Variants in RAD51D observed in about 807,000 individuals in gnomAD.
RAD51D encodes the protein RAD51 paralog D.
In RAD51D, 38 loss-of-function variants were observed where a neutral mutation model predicts 44.1. That is an observed-to-expected ratio of 0.86 (90% CI 0.67 to 1.13). The LOEUF (loss-of-function observed/expected upper bound fraction) is 1.13. Ranked by LOEUF, RAD51D falls within the 50% of genes most tolerant of loss-of-function variation. The pLI is 0.00. For missense variants in RAD51D, 390 were observed against 414.0 expected (o/e 0.94, Z 0.50); for synonymous variants, 141 against 166.6 (o/e 0.85, Z 1.18).
chr17:35,099,928 G>A lies in RAD51D; in HGVS notation c.*1025C>T, dbSNP rs1376101908. ...TTTCATACACTAGGGCACTAGCTGT[G>A]GTACAGCTGGCAGGAAGAGAGGTGT... On this transcript the variant is annotated 3_prime_UTR_variant, in exon 10 of 10. Coordinates refer to ENST00000345365, the MANE Select transcript of RAD51D (RefSeq NM_002878.4). 1.9e-6 allele frequency: 1 copy of A among 523,614 alleles called. No individual in the cohort carries two copies. The highest frequency in any genetic ancestry group is 2.2e-5 in the Admixed American group (1 of 44,622). 32.4% of individuals were successfully genotyped at this position (523,614 alleles called of 1,614,324 possible).
intron 3 of RAD51D, among the ~76,000 whole-genome samples, chr17:35,111,860 G>A (rs2091681104): frequency 6.6e-6 from 1 of 152,040 alleles, no homozygotes; most frequent in Admixed American, 6.6e-5. Flanking sequence ...TTAAATTACA[G>A]ATCAACTTGG....
intron 3 of RAD51D, among the ~76,000 whole-genome samples, chr17:35,115,781 A>C (rs1448876409): frequency 6.6e-6 from 1 of 151,798 alleles, no homozygotes; most frequent in African/African-American, 2.4e-5. Flanking sequence ...GAGTCAGGAG[A>C]ATCACTTGAA....
intron 6 of RAD51D, 148 bp downstream of exon 6, chr17:35,106,238 G>A (rs774307727): frequency 1.1e-4 from 87 of 771,122 alleles, no homozygotes; most frequent in Non-Finnish European, 1.8e-4. Context: ...TTAGGTGCTC[G>A]GGAATTCCAT....
intron 2 of RAD51D, among the ~76,000 whole-genome samples, 180 bp downstream of exon 2, chr17:35,118,931 C>G (rs1173738311): frequency 1.3e-5 from 2 of 152,196 alleles, no homozygotes; most frequent in South Asian, 2.1e-4. Context: ...TTAGTAGGGA[C>G]AGGGTTTCAC....
rs912848193 is a variant in RAD51D at position 35,119,471 on chromosome 17, C to T, written c.82+61G>A. 15 of 1,573,282 alleles carry T rather than the reference C, an allele frequency of 9.5e-6. No homozygotes were observed. In the Admixed American group the frequency reaches 1.0e-4, roughly 11 times the overall value. On this transcript the variant is annotated intron_variant, in intron 1 of 9. Transcript: ENST00000345365. ...TATGCCAGGGCAGTGCGCCAGCCCT[C>T]GGGGCCTGCCCAGGTTGTGCGAGGC...
At chr17:35,119,025 C>G in intron 2 of RAD51D, 86 bp downstream of exon 2, 2 of 1,314,260 alleles carry the variant, frequency 1.5e-6, no homozygotes, top group Admixed American at 1.7e-5. Context: ...GCTGGGATTA[C>G]AGGCATGAGC....
chr17:35,119,400 T>C, intron 1 of RAD51D, 132 bp downstream of exon 1: 1 of 1,141,304 alleles, frequency 8.8e-7, no homozygotes, highest in Non-Finnish European at 1.3e-6. Context: ...CCTGAGCCTC[T>C]CCAGAAGCGC....
rs1271870481 is a variant in RAD51D at position 35,097,293 on chromosome 17, T to C, written c.*3660A>G. 6.6e-6 allele frequency: 1 copy of C among 152,072 alleles called. No individual in the cohort carries two copies. Among genetic ancestry groups the C allele is most frequent in the Admixed American group, 6.6e-5 (1 of 15,260 alleles). 9.4% of individuals were successfully genotyped at this position (152,072 alleles called of 1,614,324 possible). A position where few individuals can be genotyped will look rare whatever the true frequency, so the allele number is the denominator to read the frequency against. ...AGCCATCACACCCAGCTAATTTTTG[T>C]ATTTTTAGTAGAGACAGGGTTTCAC... On this transcript the variant is annotated 3_prime_UTR_variant, in exon 10 of 10. Transcript: ENST00000345365.
chr17:35,107,347 C>G lies in RAD51D; in HGVS notation c.345+19G>C, dbSNP rs1483562351. 6.5e-7 allele frequency: 1 copy of G among 1,533,750 alleles called. No individual in the cohort carries two copies. The highest frequency in any genetic ancestry group is 2.2e-5 in the East Asian group (1 of 44,462). On this transcript the variant is annotated intron_variant, in intron 4 of 9. Coordinates refer to ENST00000345365, the MANE Select transcript of RAD51D (RefSeq NM_002878.4). ...CACCCTCACCCCTAAATCCTCCTGACTGCTGGCCTCACATGTACCTGAGTT... is the reference window on the plus strand; with the variant it reads ...CACCCTCACCCCTAAATCCTCCTGAGTGCTGGCCTCACATGTACCTGAGTT...
At chr17:35,117,466 A>T (rs1457133897) in intron 3 of RAD51D, among the ~76,000 whole-genome samples, 1 of 152,126 alleles carries the variant, frequency 6.6e-6, no homozygotes, top group Admixed American at 6.5e-5. Flanking sequence ...ACTCTTCCCC[A>T]ACCCACCAAA....
chr17:35,108,362 A>T (rs916862556), intron 3 of RAD51D, among the ~76,000 whole-genome samples: 1 of 151,770 alleles, frequency 6.6e-6, no homozygotes, highest in Non-Finnish European at 1.5e-5. Flanking sequence ...CTTAATAATA[A>T]CAACTGTACT....
rs548630352 is a variant in RAD51D, at chr17:35,094,628, G to C, written c.*6325C>G. 5.9e-5 allele frequency: 9 copies of C among 152,368 alleles called. No homozygotes were observed. Among genetic ancestry groups the C allele is most frequent in the Admixed American group, 5.2e-4 (8 of 15,308 alleles). 9.4% of individuals were successfully genotyped at this position (152,368 alleles called of 1,614,324 possible). The stretch of plus-strand genomic sequence containing the variant: ...TGCTATCAGGGCAAAGTATGAAAAA[G>C]AATTTTGTGGAAACATTTACATATT... On this transcript the variant is annotated 3_prime_UTR_variant, in exon 10 of 10. Transcript: ENST00000345365.
Position 35,099,437 on chromosome 17 carries a change from T to C in RAD51D, c.*1516A>G, listed in dbSNP as rs929303997. The C allele has an allele frequency of 4.8e-5, 9 of 185,608 alleles. No homozygotes were observed. Among genetic ancestry groups the C allele is most frequent in the Admixed American group, 4.8e-4 (9 of 18,826 alleles). The allele number at this position is 185,608 out of a possible 1,614,324, so 11.5% of individuals were successfully genotyped here. A position where few individuals can be genotyped will look rare whatever the true frequency, so the allele number is the denominator to read the frequency against. ...CAAGAATTTGCAATTTCCAGCTTCATGTATTGCATCTTACTGTGGTTGCAG... is the reference window on the plus strand; with the variant it reads ...CAAGAATTTGCAATTTCCAGCTTCACGTATTGCATCTTACTGTGGTTGCAG... On this transcript the variant is annotated 3_prime_UTR_variant, in exon 10 of 10. Coordinates refer to ENST00000345365, the MANE Select transcript of RAD51D (RefSeq NM_002878.4).
intron 9 of RAD51D, 29 bp downstream of exon 9, chr17:35,101,172 T>C: frequency 6.2e-7 from 1 of 1,614,110 alleles, no homozygotes; most frequent in Non-Finnish European, 8.5e-7. Flanking sequence ...GGGCCCAAGA[T>C]TACTGGCATC....
rs71147458 is a variant in RAD51D, at chr17:35,115,956, GGAAAGAAAGAAA to G, written c.263+2533_263+2544del. On this transcript the variant is annotated intron_variant, in intron 3 of 9. Coordinates refer to ENST00000345365, the MANE Select transcript of RAD51D (RefSeq NM_002878.4). The stretch of plus-strand genomic sequence containing the variant: ...GGAAGGAAGAAAGAAAAGGAAGAAA[GGAAAGAAAGAAA>G]GAAAGAAAGAAAGAAAGAAAGAAAG... Among the ~76,000 whole-genome samples the G allele has an allele frequency of 3.1e-3, 204 of 65,252 alleles. 2 individuals carry two copies. Among genetic ancestry groups the G allele is most frequent in the Non-Finnish European group, 3.2e-3 (109 of 34,030 alleles). 42.8% of individuals were successfully genotyped at this position (65,252 alleles called of 152,430 possible).
rs1276199516 is a variant in RAD51D at position 35,097,628 on chromosome 17, T to C, written c.*3325A>G. The C allele has an allele frequency of 1.3e-5, 2 of 152,080 alleles. No homozygotes were observed. Among genetic ancestry groups the C allele is most frequent in the Admixed American group, 6.6e-5 (1 of 15,262 alleles). 9.4% of individuals were successfully genotyped at this position (152,080 alleles called of 1,614,324 possible). A position where few individuals can be genotyped will look rare whatever the true frequency, so the allele number is the denominator to read the frequency against. On this transcript the variant is annotated 3_prime_UTR_variant, in exon 10 of 10. Coordinates refer to ENST00000345365, the MANE Select transcript of RAD51D (RefSeq NM_002878.4). The stretch of plus-strand genomic sequence containing the variant: ...GGGGAAATTGAAAGTTGACGCTTTA[T>C]GGAAGGAACCCCTGAGATAGAGCCA...
intron 3 of RAD51D, among the ~76,000 whole-genome samples, chr17:35,117,522 C>T (rs1010475647): frequency 1.3e-5 from 2 of 152,210 alleles, no homozygotes; most frequent in Non-Finnish European, 2.9e-5. Flanking sequence ...GAGAGTCTCG[C>T]TCTGCCACCA....
At chr17:35,110,878 G>A (rs1372642322) in intron 3 of RAD51D, among the ~76,000 whole-genome samples, 8 of 152,118 alleles carry the variant, frequency 5.3e-5, no homozygotes, top group East Asian at 1.9e-4. Flanking sequence ...AGGCCGAGGC[G>A]GGCGATCACC....
chr17:35,104,318 T>A (rs1277316247), intron 6 of RAD51D, among the ~76,000 whole-genome samples: 2 of 152,144 alleles, frequency 1.3e-5, no homozygotes, highest in Non-Finnish European at 2.9e-5. Flanking sequence ...AGTTTAGCCT[T>A]CTCTTTACTT....
Sources: allele counts gnomAD v4.1 joint callset (sites outside exome capture counted in the v4.1 genomes callset), GRCh38; gene constraint gnomAD v4.1.1; transcripts MANE v1.5; gene names NCBI Gene and HGNC (gene_info 2026-07-23, HGNC 2026-07-21).